ARMC2: variants seen among roughly 807,000 people sequenced by gnomAD.
The protein encoded by ARMC2 is armadillo repeat-containing protein 2.
ARMC2 carries 67 observed loss-of-function variants against 90.3 expected under a neutral mutation model. That is an observed-to-expected ratio of 0.74 (90% CI 0.61 to 0.91). ARMC2 has a LOEUF of 0.91. Ranked by LOEUF, ARMC2 falls within the 40% of genes least tolerant of loss-of-function variation. The pLI, the probability that ARMC2 is intolerant of heterozygous loss-of-function variation, is 0.00. For synonymous variants in ARMC2, 393 were observed against 393.0 expected (o/e 1.00, Z 0.00); for missense variants, 920 against 1,030.9 (o/e 0.89, Z 1.47).
chr6:108,887,963 T>C (rs1770528956), intron 5 of ARMC2, among the ~76,000 whole-genome samples: 2 of 152,168 alleles, frequency 1.3e-5, no homozygotes, highest in African/African-American at 4.8e-5. Context: ...AAATCTGCCT[T>C]AGTGAACATG....
At chr6:108,962,581 G>A (rs541173368) in intron 15 of ARMC2, among the ~76,000 whole-genome samples, 1 of 152,336 alleles carries the variant, frequency 6.6e-6, no homozygotes, top group African/African-American at 2.4e-5. Flanking sequence ...GCAGAGGAAT[G>A]CCTTGAATAT....
chr6:108,935,571 A>G (rs1413595723), intron 11 of ARMC2, among the ~76,000 whole-genome samples: 3 of 152,062 alleles, frequency 2.0e-5, no homozygotes, highest in Non-Finnish European at 4.4e-5. Flanking sequence ...CCTGCAGAGT[A>G]GCTGAGACTA....
chr6:108,951,874 G>C (rs1216097506), intron 12 of ARMC2, among the ~76,000 whole-genome samples: 1 of 152,234 alleles, frequency 6.6e-6, no homozygotes, highest in Non-Finnish European at 1.5e-5. Flanking sequence ...TTTAAAAGGA[G>C]ATAATTCTTT....
At chr6:108,895,282 A>G (rs1373056537) in intron 6 of ARMC2, among the ~76,000 whole-genome samples, 1 of 149,880 alleles carries the variant, frequency 6.7e-6, no homozygotes, top group Admixed American at 6.6e-5. Flanking sequence ...GGCCAACATC[A>G]TGAAACCCCA....
the ARMC2 span, among the ~76,000 whole-genome samples, chr6:109,008,161 T>C: frequency 1.3e-5 from 2 of 152,190 alleles, no homozygotes; most frequent in Non-Finnish European, 2.9e-5. Flanking sequence ...TACAAAGCTA[T>C]CTTTAGAAAT....
At chr6:108,870,412 C>T (rs1776260963) in intron 4 of ARMC2, among the ~76,000 whole-genome samples, 1 of 152,128 alleles carries the variant, frequency 6.6e-6, no homozygotes, top group Non-Finnish European at 1.5e-5. Context: ...GATCTGCAGT[C>T]ACCATGTCCC....
At chr6:108,908,479 TA>T (rs1244608413) in intron 8 of ARMC2, among the ~76,000 whole-genome samples, 1 of 152,188 alleles carries the variant, frequency 6.6e-6, no homozygotes, top group Non-Finnish European at 1.5e-5. Context: ...CAGATTCTAT[TA>T]TTTTTTTAAA....
At chr6:108,956,762 T>A (rs1356898785) in intron 13 of ARMC2, among the ~76,000 whole-genome samples, 2 of 151,944 alleles carry the variant, frequency 1.3e-5, no homozygotes, top group Non-Finnish European at 2.9e-5. Flanking sequence ...GAGGCTGAGG[T>A]GGGCAGATCA....
chr6:108,971,994 A>G (rs1778799322), intron 17 of ARMC2, among the ~76,000 whole-genome samples: 2 of 151,994 alleles, frequency 1.3e-5, no homozygotes, highest in Non-Finnish European at 2.9e-5. Context: ...AGTGGTTACC[A>G]TTTTAGAAGT....
chr6:109,029,533 T>C, the ARMC2 span, among the ~76,000 whole-genome samples: 2 of 152,124 alleles, frequency 1.3e-5, no homozygotes, highest in South Asian at 4.1e-4. Flanking sequence ...ACAAGCAGAT[T>C]TGTCTATTCT....
chr6:108,866,743 G>A (rs1380140348), intron 3 of ARMC2, among the ~76,000 whole-genome samples: 1 of 152,046 alleles, frequency 6.6e-6, no homozygotes, highest in East Asian at 1.9e-4. Context: ...TCCATATTAT[G>A]ATGATTATTT....
Position 108,964,309 on chromosome 6 carries a change from A to G in ARMC2, c.2282A>G (p.Lys761Arg). 1.2e-6 allele frequency: 2 copies of G among 1,613,838 alleles called. No homozygotes were observed. The highest frequency in any genetic ancestry group is 2.2e-5 in the South Asian group (2 of 91,028). ...RVILKEGGGI[K>R]KLVDCLRDLG... ...ATCTTGAAAGAAGGAGGTGGCATTA[A>G]AAAGTAAGTTTCAGGGCGTAGAGTA... Residue 761 changes from lysine to arginine, a missense_variant, in exon 16 of 18, where the codon AAA (lysine) becomes AGA (arginine). Lys to Arg is a conservative substitution (Grantham distance 26). Coordinates refer to ENST00000392644, the MANE Select transcript of ARMC2 (RefSeq NM_032131.6).
chr6:109,043,235 T>C, the ARMC2 span, among the ~76,000 whole-genome samples: 1 of 152,134 alleles, frequency 6.6e-6, no homozygotes, highest in Admixed American at 6.5e-5. Context: ...GCTGTTTTTA[T>C]ACTTAACGGT....
At chr6:108,881,226 TTCTG>T (rs1000128173) in intron 5 of ARMC2, among the ~76,000 whole-genome samples, 66 of 150,510 alleles carry the variant, frequency 4.4e-4, no homozygotes, top group East Asian at 4.1e-3. Context: ...TTTTCTTTCT[TTCTG>T]TCTTTCTCTT....
At chr6:108,964,018 C>G (rs573992583) in intron 15 of ARMC2, among the ~76,000 whole-genome samples, 162 bp from the exon 16 acceptor site, 1 of 152,310 alleles carries the variant, frequency 6.6e-6, no homozygotes, top group African/African-American at 2.4e-5. Flanking sequence ...GGGGAACCCA[C>G]TGCTGTGTGA....
Position 108,953,350 on chromosome 6 carries a change from G to A in ARMC2, c.1914G>A (p.Leu638=). Residue 638 remains leucine, a splice_region_variant and synonymous_variant, in exon 13 of 18, where the codon CTG becomes CTA. Coordinates refer to ENST00000392644, the MANE Select transcript of ARMC2 (RefSeq NM_032131.6). ...TAGTGGGCCTGCTCCTGACCACGCTGGGTGAGAACCGCAGCCCACTGGCTG... is the reference window on the plus strand; with the variant it reads ...TAGTGGGCCTGCTCCTGACCACGCTAGGTGAGAACCGCAGCCCACTGGCTG... ...PGIVGLLLTT[L]EYKSLDDCEE... 6.3e-7 allele frequency: 1 copy of A among 1,596,556 alleles called. No homozygotes were observed. Among genetic ancestry groups the A allele is most frequent in the Non-Finnish European group, 8.5e-7 (1 of 1,173,854 alleles).
At chr6:108,918,369 G>A (rs967237856) in intron 10 of ARMC2, among the ~76,000 whole-genome samples, 1 of 152,178 alleles carries the variant, frequency 6.6e-6, no homozygotes, top group African/African-American at 2.4e-5. Context: ...AGGCGAGCGA[G>A]GGGTGTGAGG....
At chr6:109,009,226 G>C in the ARMC2 span, 1 of 903,258 alleles carries the variant, frequency 1.1e-6, no homozygotes, top group South Asian at 3.1e-5. Flanking sequence ...CGCCCTATCT[G>C]GGGAGCGTTT....
the ARMC2 span, among the ~76,000 whole-genome samples, chr6:109,051,165 A>AC: frequency 2.8e-4 from 43 of 152,162 alleles, no homozygotes; most frequent in South Asian, 3.5e-3. Context: ...AAAAACAACA[A>AC]AAAAAAACTC....
Sources: gnomAD v4.1 joint callset for allele counts (sites outside exome capture counted in the v4.1 genomes callset) on GRCh38, gnomAD v4.1.1 for gene constraint, MANE v1.5 for transcripts, NCBI Gene and HGNC (gene_info 2026-07-23, HGNC 2026-07-21) for gene names.